The following VPS13B variants were observed in gnomAD, a reference collection of about 807,000 sequenced individuals.
VPS13B encodes vacuolar protein sorting 13 homolog B.
In VPS13B, 285 loss-of-function variants were observed where a neutral mutation model predicts 426.4. That is an observed-to-expected ratio of 0.67 (90% CI 0.61 to 0.74). The LOEUF is 0.74. Ranked by LOEUF, VPS13B falls within the 30% of genes least tolerant of loss-of-function variation. The probability of loss-of-function intolerance (pLI) is 0.00; values close to 1 mark genes in which losing one functional copy is unlikely to be tolerated. For synonymous variants in VPS13B, 1,676 were observed against 1,676.4 expected (o/e 1.00, Z 0.01); for missense variants, 4,537 against 4,782.6 (o/e 0.95, Z 1.51).
chr8:99,494,158 A>G (rs976488969), intron 25 of VPS13B, among the ~76,000 whole-genome samples: 3 of 152,168 alleles, frequency 2.0e-5, no homozygotes, highest in African/African-American at 4.8e-5. Flanking sequence ...CAATATACAC[A>G]ACATAAAATG....
chr8:99,317,822 G>T (rs1048578271), intron 19 of VPS13B, among the ~76,000 whole-genome samples: 2 of 152,158 alleles, frequency 1.3e-5, no homozygotes, highest in Non-Finnish European at 2.9e-5. Flanking sequence ...ATGAGGATAT[G>T]TAACACCATG....
At chr8:99,359,484 A>G (rs998445916) in intron 19 of VPS13B, among the ~76,000 whole-genome samples, 3 of 152,230 alleles carry the variant, frequency 2.0e-5, no homozygotes, top group Non-Finnish European at 4.4e-5. Flanking sequence ...TAAGTAATGC[A>G]GATACCACAA....
At chr8:99,366,528 TG>T (rs1202674588) in intron 19 of VPS13B, among the ~76,000 whole-genome samples, 7 of 150,914 alleles carry the variant, frequency 4.6e-5, no homozygotes, top group South Asian at 2.1e-4. Flanking sequence ...TGTTTTTTTT[TG>T]TTTTTTTTTT....
intron 3 of VPS13B, among the ~76,000 whole-genome samples, chr8:99,071,436 G>C (rs1337539139): frequency 6.6e-6 from 1 of 152,144 alleles, no homozygotes; most frequent in Non-Finnish European, 1.5e-5. Flanking sequence ...GGATTACTGA[G>C]CTCCATGCTG....
rs539873620 is a variant in VPS13B, at chr8:99,670,185, G to C, written c.6046+8694G>C. Among the ~76,000 whole-genome samples, 6 of 152,178 alleles carry C rather than the reference G, an allele frequency of 3.9e-5. No individual in the cohort carries two copies. In the East Asian group the frequency reaches 1.2e-3, roughly 29 times the overall value. On this transcript the variant is annotated intron_variant, in intron 35 of 61. Transcript: ENST00000357162. ...AACTCAGACATATCTGAAGGTAACT[G>C]ATTCAGGAGGATTGAGATACCTGGA...
chr8:99,116,580 C>T (rs1430133492), intron 7 of VPS13B, among the ~76,000 whole-genome samples: 2 of 151,956 alleles, frequency 1.3e-5, no homozygotes, highest in Non-Finnish European at 2.9e-5. Context: ...GCTACAGGTA[C>T]ATGCCACCAT....
In VPS13B at chr8:99,776,783, G is replaced by T; in HGVS notation, c.7256G>T (p.Ser2419Ile). 1 of 1,613,994 alleles carries T rather than the reference G, an allele frequency of 6.2e-7. No individual in the cohort carries two copies. The stretch of plus-strand genomic sequence containing the variant: ...TCACTTCTTTCCCATAGCTCTGCAA[G>T]TGAGTCTGGTTCTCAAAGCACTTGT... ...QNGADDQSSA[S>I]ESGSQSTCDP... Residue 2419 changes from serine (S) to isoleucine (I), a missense_variant, in exon 41 of 62, where the codon AGT becomes ATT. By Grantham distance (142) the Ser-to-Ile change is moderately radical. Coordinates refer to ENST00000357162, the MANE Select transcript of VPS13B (RefSeq NM_152564.5).
chr8:99,073,181 C>G (rs759332928), intron 3 of VPS13B, among the ~76,000 whole-genome samples: 5 of 152,152 alleles, frequency 3.3e-5, no homozygotes, highest in Non-Finnish European at 7.3e-5. Flanking sequence ...TAGCACAGCA[C>G]TGGGTCTCAC....
chr8:99,174,612 T>A (rs1812530659), intron 16 of VPS13B, among the ~76,000 whole-genome samples: 1 of 152,186 alleles, frequency 6.6e-6, no homozygotes, highest in Non-Finnish European at 1.5e-5. Context: ...TCATTTTTAA[T>A]TAGTTTTTTT....
At chr8:99,071,142 T>C (rs188188451) in intron 3 of VPS13B, among the ~76,000 whole-genome samples, 232 of 152,276 alleles carry the variant, frequency 1.5e-3, no homozygotes, top group African/African-American at 5.1e-3. Flanking sequence ...ATGGCCTTGA[T>C]GCCTGTGGAT....
intron 2 of VPS13B, among the ~76,000 whole-genome samples, chr8:99,024,244 T>C (rs1842033953): frequency 6.6e-6 from 1 of 152,234 alleles, no homozygotes; most frequent in Non-Finnish European, 1.5e-5. Context: ...ATTTTAAAAT[T>C]GGAGTCTCTT....
chr8:99,385,229 T>C (rs1458151022), intron 20 of VPS13B, among the ~76,000 whole-genome samples: 1 of 152,242 alleles, frequency 6.6e-6, no homozygotes, highest in African/African-American at 2.4e-5. Flanking sequence ...GATTCATTTA[T>C]GTATAGTCAC....
chr8:99,478,917 T>C (rs555538629), intron 24 of VPS13B, among the ~76,000 whole-genome samples: 2 of 152,246 alleles, frequency 1.3e-5, no homozygotes, highest in East Asian at 3.9e-4. Flanking sequence ...TTTTCTAAGA[T>C]TGTATTAACT....
chr8:99,642,820 C>T (rs747061964), intron 34 of VPS13B, among the ~76,000 whole-genome samples: 2 of 152,096 alleles, frequency 1.3e-5, no homozygotes, highest in Admixed American at 6.5e-5. Context: ...ATATTAATGG[C>T]CCATAGGTAT....
chr8:99,510,064 A>T (rs1821703895), intron 28 of VPS13B, among the ~76,000 whole-genome samples: 1 of 152,196 alleles, frequency 6.6e-6, no homozygotes, highest in Non-Finnish European at 1.5e-5. Context: ...TAGTATACCC[A>T]AAGATTATGA....
At chr8:99,457,552 T>A (rs184870324) in intron 23 of VPS13B, among the ~76,000 whole-genome samples, 10 of 152,312 alleles carry the variant, frequency 6.6e-5, no homozygotes, top group Admixed American at 1.3e-4. Context: ...ATTTTTAATT[T>A]CGTTGATTTT....
intron 19 of VPS13B, among the ~76,000 whole-genome samples, chr8:99,378,663 T>A (rs902388244): frequency 6.6e-6 from 1 of 152,350 alleles, no homozygotes; most frequent in South Asian, 2.1e-4. Flanking sequence ...GTCCTTCCAT[T>A]TGGGGTCCCT....
intron 3 of VPS13B, among the ~76,000 whole-genome samples, chr8:99,057,750 A>G (rs1640575521): frequency 1.3e-5 from 2 of 152,150 alleles, no homozygotes; most frequent in African/African-American, 4.8e-5. Context: ...GTGTCAGTGA[A>G]CAATTCCACT....
intron 19 of VPS13B, among the ~76,000 whole-genome samples, chr8:99,277,915 A>G (rs959292810): frequency 1.3e-5 from 2 of 152,322 alleles, no homozygotes; most frequent in South Asian, 4.1e-4. Flanking sequence ...GATTACATTT[A>G]CTTTTCTTTG....
Sources: allele counts gnomAD v4.1 joint callset (sites outside exome capture counted in the v4.1 genomes callset), GRCh38; gene constraint gnomAD v4.1.1; transcripts MANE v1.5; gene names NCBI Gene and HGNC (gene_info 2026-07-23, HGNC 2026-07-21).